Variants in MEF2C observed in about 807,000 individuals in gnomAD.
MEF2C encodes myocyte-specific enhancer factor 2C.
MEF2C carries 6 observed loss-of-function variants against 50.5 expected under a neutral mutation model. The observed-to-expected ratio is 0.12, with a 90% CI of 0.07 to 0.23. MEF2C has a LOEUF of 0.23. Among genes scored for constraint, MEF2C ranks in the 10% least tolerant of loss-of-function variants. The pLI, the probability that MEF2C is intolerant of heterozygous loss-of-function variation, is 1.00. For missense variants in MEF2C, 276 were observed against 605.0 expected (o/e 0.46, Z 5.70); for synonymous variants, 183 against 228.0 (o/e 0.80, Z 1.78).
chr5:88,806,715 C>T (rs2153086936), intron 2 of MEF2C, among the ~76,000 whole-genome samples: 1 of 150,678 alleles, frequency 6.6e-6, no homozygotes, highest in South Asian at 2.1e-4. Context: ...ACAAAATATA[C>T]ACAAAAATAT....
At chr5:88,882,865 A>G (rs904101079) in intron 1 of MEF2C, 90 bp downstream of exon 1, 1 of 152,154 alleles carries the variant, frequency 6.6e-6, no homozygotes, top group Non-Finnish European at 1.5e-5. Context: ...ACAGGGATAG[A>G]TAGACACAGT....
intron 1 of MEF2C, among the ~76,000 whole-genome samples, chr5:88,843,703 T>C (rs1414487415): frequency 6.6e-6 from 1 of 152,154 alleles, no homozygotes; most frequent in Non-Finnish European, 1.5e-5. Flanking sequence ...GTTAACAGAT[T>C]CTATTTCAAG....
intron 1 of MEF2C, among the ~76,000 whole-genome samples, chr5:88,891,651 C>G (rs778174257): frequency 3.4e-4 from 51 of 152,226 alleles, no homozygotes; most frequent in Middle Eastern, 3.4e-3. Flanking sequence ...ACCTCGTGAT[C>G]TGCCTGTCTC....
intron 3 of MEF2C, among the ~76,000 whole-genome samples, chr5:88,777,791 A>C (rs1229682400): frequency 6.6e-6 from 1 of 152,070 alleles, no homozygotes; most frequent in Non-Finnish European, 1.5e-5. Context: ...ACTATCTAGA[A>C]TAGATGGGAA....
intron 1 of MEF2C, among the ~76,000 whole-genome samples, chr5:88,853,256 A>G (rs945545759): frequency 6.6e-6 from 1 of 152,180 alleles, no homozygotes; most frequent in Non-Finnish European, 1.5e-5. Flanking sequence ...TTTTAAAAAA[A>G]AGTAAAGAAA....
intron 3 of MEF2C, among the ~76,000 whole-genome samples, chr5:88,797,023 T>G (rs1008349097): frequency 6.6e-6 from 1 of 152,220 alleles, no homozygotes; most frequent in Non-Finnish European, 1.5e-5. Flanking sequence ...TTGCATTTGC[T>G]GAAGAGTGTT....
rs2153075163 is a variant in MEF2C at position 88,804,806 on chromosome 5, A to G, written c.55-5T>C. The G allele has an allele frequency of 1.9e-6, 3 of 1,611,708 alleles. No homozygotes were observed. The highest frequency in any genetic ancestry group is 2.5e-6 in the Non-Finnish European group (3 of 1,178,290). Reference sequence around the variant, plus strand: ...TTTCCTCTTTGTAAATGTCACCTAGAAAAAAGAAAGCAGCCAAGATTTTTT... The same window carrying G: ...TTTCCTCTTTGTAAATGTCACCTAGGAAAAAGAAAGCAGCCAAGATTTTTT... On this transcript the variant is annotated splice_polypyrimidine_tract_variant and splice_region_variant and intron_variant, in intron 2 of 10. Transcript: ENST00000504921.
intron 6 of MEF2C, chr5:88,737,265 T>C (rs1764513967): frequency 3.0e-6 from 3 of 985,374 alleles, no homozygotes; most frequent in Non-Finnish European, 3.6e-6. Context: ...AAGTACACTA[T>C]TGAGACAAAC....
At chr5:88,751,729 T>G (rs1581747354) in intron 5 of MEF2C, 128 bp downstream of exon 5, 3 of 1,153,788 alleles carry the variant, frequency 2.6e-6, no homozygotes, top group Non-Finnish European at 3.7e-6. Context: ...AGCTCGGGGG[T>G]GGATGGTAAG....
intron 6 of MEF2C, chr5:88,740,664 G>C: frequency 4.1e-6 from 4 of 980,356 alleles, no homozygotes; most frequent in Non-Finnish European, 3.6e-6. Context: ...TTGACAATCT[G>C]ATGTCTCCAG....
chr5:88,896,965 A>ACACACACACACG (rs1419683504), intron 1 of MEF2C, among the ~76,000 whole-genome samples: 2 of 151,756 alleles, frequency 1.3e-5, no homozygotes, highest in African/African-American at 4.8e-5. Flanking sequence ...ACACACACAC[A>ACACACACACACG]CGCACAACTG....
intron 1 of MEF2C, among the ~76,000 whole-genome samples, chr5:88,862,414 G>T (rs888445631): frequency 1.3e-5 from 2 of 152,056 alleles, no homozygotes; most frequent in African/African-American, 2.4e-5. Context: ...ATCATGGTTT[G>T]CTATGTTTAC....
chr5:88,833,492 A>G (rs1243309352), intron 1 of MEF2C, among the ~76,000 whole-genome samples: 1 of 152,138 alleles, frequency 6.6e-6, no homozygotes, highest in East Asian at 1.9e-4. Context: ...AAATCCTGCC[A>G]TTACTCAGCA....
intron 2 of MEF2C, among the ~76,000 whole-genome samples, chr5:88,809,563 C>T (rs1427717501): frequency 6.6e-6 from 1 of 151,976 alleles, no homozygotes; most frequent in South Asian, 2.1e-4. Context: ...TTATTTGGAA[C>T]AAAATGCATG....
chr5:88,865,834 G>T (rs58791734), intron 1 of MEF2C, among the ~76,000 whole-genome samples: 2,480 of 152,024 alleles, frequency 0.016, 68 homozygotes, highest in African/African-American at 0.057. Flanking sequence ...GTTTATCACT[G>T]AAATCAATTA....
At chr5:88,752,614 A>T (rs952885921) in intron 4 of MEF2C, 25 of 985,018 alleles carry the variant, frequency 2.5e-5, no homozygotes, top group Non-Finnish European at 2.9e-5. Flanking sequence ...AGCATGTATC[A>T]TTCAATAATT....
At chr5:88,899,469 C>T (rs939697958) in intron 1 of MEF2C, among the ~76,000 whole-genome samples, 3 of 152,066 alleles carry the variant, frequency 2.0e-5, no homozygotes, top group Non-Finnish European at 4.4e-5. Flanking sequence ...CCAAAAAGGC[C>T]CATCCATTCA....
chr5:88,759,456 T>C (rs763340807), intron 4 of MEF2C, among the ~76,000 whole-genome samples: 17 of 152,066 alleles, frequency 1.1e-4, no homozygotes, highest in Non-Finnish European at 2.2e-4. Flanking sequence ...CACTCCAGCC[T>C]GGGCAACAAG....
chr5:88,736,506 A>G (rs995722207), intron 6 of MEF2C: 2 of 17,254 alleles, frequency 1.2e-4, no homozygotes, highest in African/African-American at 2.8e-4. Context: ...GTCTCAAAAA[A>G]AAAAAAAAAA....
Sources: allele counts gnomAD v4.1 joint callset (sites outside exome capture counted in the v4.1 genomes callset), GRCh38; gene constraint gnomAD v4.1.1; transcripts MANE v1.5; gene names NCBI Gene and HGNC (gene_info 2026-07-23, HGNC 2026-07-21).